The following PCSK2 variants were observed in gnomAD, a reference collection of about 807,000 sequenced individuals.
PCSK2 encodes the protein neuroendocrine convertase 2.
In PCSK2, 14 loss-of-function variants were observed where a neutral mutation model predicts 69.7. That is an observed-to-expected ratio of 0.20 (90% CI 0.13 to 0.31). PCSK2 has a LOEUF of 0.31. Among genes scored for constraint, PCSK2 ranks in the 10% least tolerant of loss-of-function variants. PCSK2 has a pLI of 1.00. For missense variants in PCSK2, 544 were observed against 842.5 expected (o/e 0.65, Z 4.39); for synonymous variants, 307 against 320.7 (o/e 0.96, Z 0.46).
At chr20:17,286,930 A>G (rs775387314) in intron 2 of PCSK2, among the ~76,000 whole-genome samples, 10 of 152,200 alleles carry the variant, frequency 6.6e-5, no homozygotes, top group African/African-American at 9.7e-5. Context: ...GGCTTATGCA[A>G]TTGTGAAGGC....
At chr20:17,342,917 A>G (rs1990548515) in intron 2 of PCSK2, among the ~76,000 whole-genome samples, 1 of 151,938 alleles carries the variant, frequency 6.6e-6, no homozygotes, top group African/African-American at 2.4e-5. Context: ...TAACCTCCCA[A>G]GGTGCTGGGA....
intron 2 of PCSK2, among the ~76,000 whole-genome samples, chr20:17,312,196 A>G (rs1056055231): frequency 1.3e-5 from 2 of 152,168 alleles, no homozygotes; most frequent in East Asian, 1.9e-4. Flanking sequence ...TCAGCTCACC[A>G]TTCTGGCATA....
rs199574652 is a variant in PCSK2 at position 17,453,695 on chromosome 20, G to A, written c.886-47G>A. 2.1e-3 allele frequency: 3,439 copies of A among 1,602,442 alleles called. 18 individuals are homozygous for A. The highest frequency in any genetic ancestry group is 3.0e-3 in the African/African-American group (222 of 74,956). On this transcript the variant is annotated intron_variant, in intron 8 of 11. Transcript: ENST00000262545. This position sits in a 1 kb window ranked among gnomAD's most constrained non-coding sequence, Gnocchi z 4.0. ...GGCTGGAGACCTCCCCTGCCCCCTC[G>A]CAGCCCAGGCTGTGGGTAGCGGCAG...
chr20:17,414,587 G>A (rs1388896499), intron 6 of PCSK2, among the ~76,000 whole-genome samples: 3 of 152,166 alleles, frequency 2.0e-5, no homozygotes, highest in Non-Finnish European at 4.4e-5. Context: ...CGGATTCACA[G>A]CCAAATTCTA....
At chr20:17,271,901 G>A (rs528400217) in intron 2 of PCSK2, among the ~76,000 whole-genome samples, 25 of 152,114 alleles carry the variant, frequency 1.6e-4, no homozygotes, top group Admixed American at 1.4e-3. Context: ...AACACCCCAG[G>A]ACAGGATGAA....
intron 6 of PCSK2, among the ~76,000 whole-genome samples, chr20:17,417,028 G>A (rs1600563397): frequency 6.7e-6 from 1 of 149,692 alleles, no homozygotes; most frequent in East Asian, 1.9e-4. Flanking sequence ...GTCAGGGGGT[G>A]TGGCAGACTG....
chr20:17,287,464 T>TGTGTG (rs1568585951), intron 2 of PCSK2, among the ~76,000 whole-genome samples: 1 of 144,850 alleles, frequency 6.9e-6, no homozygotes, highest in Non-Finnish European at 1.5e-5. Context: ...TGTGTGTGTG[T>TGTGTG]TAAAATGGGG....
intron 1 of PCSK2, among the ~76,000 whole-genome samples, chr20:17,248,966 C>G (rs1258627560): frequency 6.6e-6 from 1 of 152,046 alleles, no homozygotes; most frequent in African/African-American, 2.4e-5. Flanking sequence ...GGCCCTGGCA[C>G]CCCCTGAGCC....
intron 1 of PCSK2, among the ~76,000 whole-genome samples, chr20:17,249,814 G>A (rs1456233842): frequency 6.6e-6 from 1 of 152,010 alleles, no homozygotes; most frequent in Non-Finnish European, 1.5e-5. Context: ...AAGACAGAGT[G>A]TAGAAAGGTG....
At chr20:17,281,019 T>G (rs978679851) in intron 2 of PCSK2, among the ~76,000 whole-genome samples, 1 of 152,232 alleles carries the variant, frequency 6.6e-6, no homozygotes, top group Admixed American at 6.5e-5. Flanking sequence ...CATATTTGCC[T>G]TCTCCTTCTT....
chr20:17,461,609 A>G (rs1379016976), intron 10 of PCSK2, among the ~76,000 whole-genome samples: 1 of 152,196 alleles, frequency 6.6e-6, no homozygotes, highest in Non-Finnish European at 1.5e-5. Flanking sequence ...CATCTTTAAA[A>G]CATTTCCATT....
chr20:17,298,885 CAT>C lies in PCSK2; in HGVS notation c.282+38542_282+38543del, dbSNP rs149630410. ...AGATGTTTTCCCTCATATATTTGCACATGTTACACTTCCATTTGTTAATCGCC... is the reference window on the plus strand; with the variant it reads ...AGATGTTTTCCCTCATATATTTGCACGTTACACTTCCATTTGTTAATCGCC... On this transcript the variant is annotated intron_variant, in intron 2 of 11. Coordinates refer to ENST00000262545, the MANE Select transcript of PCSK2 (RefSeq NM_002594.5). 2.7e-3 allele frequency among the ~76,000 whole-genome samples: 411 copies of C among 152,274 alleles called. 2 individuals carry two copies. The highest frequency in any genetic ancestry group is 5.0e-3 in the Non-Finnish European group (339 of 68,016).
intron 1 of PCSK2, 41 bp downstream of exon 1, chr20:17,227,523 G>A: frequency 1.3e-6 from 2 of 1,510,668 alleles, no homozygotes; most frequent in Non-Finnish European, 1.8e-6. Context: ...TTCAAAACGG[G>A]GGGACGGGGG....
At chr20:17,250,285 T>G (rs958236678) in intron 1 of PCSK2, among the ~76,000 whole-genome samples, 1 of 152,240 alleles carries the variant, frequency 6.6e-6, no homozygotes, top group Non-Finnish European at 1.5e-5. Flanking sequence ...TCTGCAGCTC[T>G]TTTTTGTCGT....
chr20:17,274,386 T>G (rs961108038), intron 2 of PCSK2, among the ~76,000 whole-genome samples: 5 of 152,150 alleles, frequency 3.3e-5, no homozygotes, highest in African/African-American at 1.2e-4. Context: ...TAGAGTCTAT[T>G]TATTCACCCA....
intron 4 of PCSK2, among the ~76,000 whole-genome samples, chr20:17,368,779 C>G (rs1242843132): frequency 6.6e-6 from 1 of 152,198 alleles, no homozygotes; most frequent in South Asian, 2.1e-4. Context: ...CACTGGAAAC[C>G]ATTTGCCCTT....
intron 2 of PCSK2, among the ~76,000 whole-genome samples, chr20:17,298,914 G>T (rs1308012195): frequency 6.6e-6 from 1 of 151,990 alleles, no homozygotes; most frequent in Non-Finnish European, 1.5e-5. Flanking sequence ...TTAATCGCCT[G>T]TCCTTATCTT....
At chr20:17,281,930 C>T (rs1988330226) in intron 2 of PCSK2, among the ~76,000 whole-genome samples, 1 of 152,100 alleles carries the variant, frequency 6.6e-6, no homozygotes, top group Admixed American at 6.6e-5. Flanking sequence ...CCCAGTAAGC[C>T]ACTTGACTGT....
chr20:17,317,557 G>A (rs900804793), intron 2 of PCSK2, among the ~76,000 whole-genome samples: 2 of 152,106 alleles, frequency 1.3e-5, no homozygotes, highest in African/African-American at 2.4e-5. Context: ...TTTATTAGAC[G>A]TGTTTTTCTT....
Sources: gnomAD v4.1 joint callset for allele counts (sites outside exome capture counted in the v4.1 genomes callset) on GRCh38, gnomAD v4.1.1 for gene constraint, Gnocchi (gnomAD v3.1) non-coding constraint, MANE v1.5 for transcripts, NCBI Gene and HGNC (gene_info 2026-07-23, HGNC 2026-07-21) for gene names.